Variants in NRXN1 observed in about 807,000 individuals in gnomAD.
NRXN1 encodes the protein neurexin 1.
In NRXN1, 39 loss-of-function variants were observed where a neutral mutation model predicts 150.9. That is an observed-to-expected ratio of 0.26 (90% confidence interval 0.20 to 0.34). The LOEUF (loss-of-function observed/expected upper bound fraction) is 0.34, where lower values mean the gene tolerates loss of function less well. NRXN1 is among the 10% of genes least tolerant of loss of function. NRXN1 has a pLI of 1.00. For missense variants in NRXN1, 1,815 were observed against 1,949.9 expected, an observed-to-expected ratio of 0.93 and a Z score of 1.30; for synonymous variants, 924 against 757.0, an observed-to-expected ratio of 1.22 and a Z score of -3.62.
At chr2:50,052,725 C>A (rs994091367) in intron 21 of NRXN1, among the ~76,000 whole-genome samples, 1 of 151,958 alleles carries the variant, frequency 6.6e-6, no homozygotes, top group Non-Finnish European at 1.5e-5. Flanking sequence ...TCAGATAAAC[C>A]AATAGAATGT....
rs971099049 is a variant in NRXN1, at chr2:50,506,513, C to A, written c.2479G>T (p.Asp827Tyr). Reference sequence around the variant, plus strand: ...TGTTTACCTGTCATGGCCTGTTGGTCATCCACTGTTAACTTTAAACTTTTT... The same window carrying A: ...TGTTTACCTGTCATGGCCTGTTGGTAATCCACTGTTAACTTTAAACTTTTT... ...RGKSLKLTVD[D>Y]QQAMTGQMAG... The change falls in exon 13 of 23, where the codon GAC becomes TAC. Residue 827 changes from aspartate to tyrosine, a missense_variant. Transcript: ENST00000401669. 7 of 1,612,776 alleles carry A rather than the reference C, an allele frequency of 4.3e-6. No individual in the cohort carries two copies. Among genetic ancestry groups the A allele is most frequent in the Non-Finnish European group, 5.9e-6 (7 of 1,179,330 alleles).
intron 18 of NRXN1, among the ~76,000 whole-genome samples, chr2:50,142,525 T>TG: frequency 6.6e-6 from 1 of 152,046 alleles, no homozygotes; most frequent in East Asian, 1.9e-4. Flanking sequence ...TAAATCCCCC[T>TG]GACTTGATCG....
chr2:50,607,634 G>T (rs901404727), intron 8 of NRXN1, among the ~76,000 whole-genome samples: 1 of 151,736 alleles, frequency 6.6e-6, no homozygotes, highest in African/African-American at 2.4e-5. Flanking sequence ...TCAGCATGAG[G>T]ATATTACCAT....
At chr2:51,003,233 C>T (rs1700289781) in intron 2 of NRXN1, among the ~76,000 whole-genome samples, 1 of 151,880 alleles carries the variant, frequency 6.6e-6, no homozygotes, top group African/African-American at 2.4e-5. Flanking sequence ...TTATTGTTAT[C>T]AACCAGTGGA....
intron 5 of NRXN1, among the ~76,000 whole-genome samples, chr2:50,720,372 C>T (rs372198910): frequency 3.3e-5 from 5 of 152,222 alleles, no homozygotes; most frequent in Non-Finnish European, 4.4e-5. Flanking sequence ...TAACAAAGGT[C>T]GCGCTGCATC....
chr2:50,970,812 C>T (rs1334996423), intron 2 of NRXN1, among the ~76,000 whole-genome samples: 1 of 151,876 alleles, frequency 6.6e-6, no homozygotes, highest in Non-Finnish European at 1.5e-5. Flanking sequence ...TACAACAGTG[C>T]TCTTTTAATG....
intron 17 of NRXN1, among the ~76,000 whole-genome samples, chr2:50,428,697 A>T (rs915301847): frequency 2.6e-5 from 4 of 152,198 alleles, no homozygotes; most frequent in African/African-American, 9.7e-5. Context: ...AATAACATTT[A>T]TTAGCTCTGG....
At chr2:50,687,424 T>C (rs1277037067) in intron 5 of NRXN1, among the ~76,000 whole-genome samples, 1 of 152,132 alleles carries the variant, frequency 6.6e-6, no homozygotes, top group Non-Finnish European at 1.5e-5. Flanking sequence ...TACTGTACCA[T>C]GTGGTTATAT....
At position 50,236,803 on chromosome 2, in the gene NRXN1, G is replaced by T. The variant is rs201442938; in HGVS notation, c.3532C>A (p.Leu1178Ile). Reference protein sequence around the residue: ...VDSSSGLGDYLELHIHQGKIG... With the variant: ...VDSSSGLGDYIELHIHQGKIG... Reference sequence around the variant, plus strand: ...AAAGTACTTACTATATGCAGTTCTAGGTAGTCACCCAAGCCTGAAGAACTG... The same window carrying T: ...AAAGTACTTACTATATGCAGTTCTATGTAGTCACCCAAGCCTGAAGAACTG... Residue 1178 changes from leucine to isoleucine, a missense_variant, in exon 18 of 23, where the codon CTA (leucine) becomes ATA (isoleucine). Coordinates refer to ENST00000401669, the MANE Select transcript of NRXN1 (RefSeq NM_001330078.2). 158 of 1,612,884 alleles carry T rather than the reference G, an allele frequency of 9.8e-5. No individual in the cohort carries two copies. The highest frequency in any genetic ancestry group is 9.0e-5 in the Non-Finnish European group (106 of 1,179,472).
intron 5 of NRXN1, among the ~76,000 whole-genome samples, chr2:50,735,076 A>G (rs1698559481): frequency 6.6e-6 from 1 of 152,184 alleles, no homozygotes; most frequent in Non-Finnish European, 1.5e-5. Context: ...GTGTTAGACT[A>G]TTCTCATTAA....
At chr2:51,031,002 A>G (rs1020869014) in intron 1 of NRXN1, among the ~76,000 whole-genome samples, 2 of 151,918 alleles carry the variant, frequency 1.3e-5, no homozygotes, top group Non-Finnish European at 2.9e-5. Context: ...GCACACCTTG[A>G]CAATTTTAAG....
intron 18 of NRXN1, among the ~76,000 whole-genome samples, chr2:50,146,372 T>A (rs1708008030): frequency 6.6e-6 from 1 of 151,716 alleles, no homozygotes; most frequent in African/African-American, 2.4e-5. Context: ...TAAAGACACA[T>A]GCACATGGAT....
At chr2:50,666,165 T>C (rs1687990981) in intron 5 of NRXN1, among the ~76,000 whole-genome samples, 1 of 151,974 alleles carries the variant, frequency 6.6e-6, no homozygotes, top group Admixed American at 6.6e-5. Context: ...AAGTAGACTT[T>C]TTTGCCTGGT....
intron 21 of NRXN1, among the ~76,000 whole-genome samples, chr2:49,990,230 A>G (rs764139168): frequency 2.6e-5 from 4 of 152,146 alleles, no homozygotes; most frequent in Non-Finnish European, 5.9e-5. Flanking sequence ...ACAGGGGGAA[A>G]AACATTTCTG....
At chr2:50,549,155 C>T (rs2093558022) in intron 9 of NRXN1, among the ~76,000 whole-genome samples, 1 of 152,074 alleles carries the variant, frequency 6.6e-6, no homozygotes, top group Non-Finnish European at 1.5e-5. Context: ...TAAGTGACCT[C>T]TGAATCTTAC....
intron 18 of NRXN1, among the ~76,000 whole-genome samples, chr2:50,225,808 A>G (rs1281420680): frequency 6.6e-6 from 1 of 152,002 alleles, no homozygotes; most frequent in Non-Finnish European, 1.5e-5. Flanking sequence ...AAATCAAACT[A>G]GTTGCAAATG....
At chr2:50,693,632 C>T (rs1180660099) in intron 5 of NRXN1, among the ~76,000 whole-genome samples, 1 of 152,042 alleles carries the variant, frequency 6.6e-6, no homozygotes, top group Non-Finnish European at 1.5e-5. Flanking sequence ...CAGCTTGCAA[C>T]CACTAACTGC....
intron 5 of NRXN1, among the ~76,000 whole-genome samples, chr2:50,702,330 C>T (rs1693854641): frequency 7.0e-6 from 1 of 142,760 alleles, no homozygotes; most frequent in Admixed American, 7.4e-5. Flanking sequence ...TTGCAAAAGA[C>T]CATTTGTTTT....
chr2:50,778,828 T>C (rs1703988647), intron 5 of NRXN1, among the ~76,000 whole-genome samples: 1 of 152,214 alleles, frequency 6.6e-6, no homozygotes, highest in Non-Finnish European at 1.5e-5. Context: ...TAAAACATCT[T>C]TAAAACTGGC....
Sources: allele counts gnomAD v4.1 joint callset (sites outside exome capture counted in the v4.1 genomes callset), GRCh38; gene constraint gnomAD v4.1.1; transcripts MANE v1.5; gene names NCBI Gene and HGNC (gene_info 2026-07-23, HGNC 2026-07-21).